The following TNRC18 variants were observed in gnomAD, a reference collection of about 807,000 sequenced individuals.
TNRC18 encodes the protein trinucleotide repeat containing 18.
TNRC18 carries 69 observed loss-of-function variants against 226.7 expected under a neutral mutation model. The ratio of observed to expected loss-of-function variants is 0.30; its 90% CI spans 0.25 to 0.37. TNRC18 has a LOEUF of 0.37. Ranked by LOEUF, TNRC18 falls within the 10% of genes least tolerant of loss-of-function variation. The pLI is 1.00. For synonymous variants in TNRC18, 2,449 were observed against 1,927.6 expected, an observed-to-expected ratio of 1.27 and a Z score of -7.09; for missense variants, 4,754 against 4,256.6, an observed-to-expected ratio of 1.12 and a Z score of -3.25.
rs1205191119 is a variant in TNRC18, at chr7:5,333,032, T to A, written c.5737A>T (p.Thr1913Ser). ...QSLLGTEFEYTDSESEVKVRK... is the reference protein window; with the variant it reads ...QSLLGTEFEYSDSESEVKVRK... ...ACCTTGACCTCGCTCTCTGAGTCGG[T>A]GTACTCGAACTCTGTGCCTGAACGC... Residue 1913 changes from threonine (T) to serine (S), a missense_variant, in exon 19 of 30, where the codon ACC (threonine) becomes TCC (serine). Coordinates refer to ENST00000430969, the MANE Select transcript of TNRC18 (RefSeq NM_001080495.3). 2 of 1,577,162 alleles carry A rather than the reference T, an allele frequency of 1.3e-6. No homozygotes were observed. The highest frequency in any genetic ancestry group is 1.7e-6 in the Non-Finnish European group (2 of 1,169,740).
intron 2 of TNRC18, among the ~76,000 whole-genome samples, chr7:5,401,567 C>T (rs930879065): frequency 1.5e-4 from 23 of 152,290 alleles, no homozygotes; most frequent in African/African-American, 5.5e-4. Context: ...TTGTCTCTGC[C>T]CACTGAAGAC....
chr7:5,373,323 C>A (rs1794333279), intron 10 of TNRC18, among the ~76,000 whole-genome samples: 1 of 152,028 alleles, frequency 6.6e-6, no homozygotes, highest in Non-Finnish European at 1.5e-5. Context: ...AGGATCCCAT[C>A]TCAAAAAAAA....
rs769890042 is a variant in TNRC18, at chr7:5,388,322, G to C, written c.1502C>G (p.Pro501Arg). ...AKLFGLEPGR[P>R]PPTGPEHKWK... ...TTTATGCTCAGGGCCGGTGGGCGGG[G>C]GGCGCCCGGGCTCCAGGCCGAAGAG... The change falls in exon 5 of 30, where the codon CCC (proline) becomes CGC (arginine). Residue 501 changes from proline (P) to arginine (R), a missense_variant. Transcript: ENST00000430969. The C allele has an allele frequency of 1.2e-5, 19 of 1,601,006 alleles. No individual in the cohort carries two copies. Among genetic ancestry groups the C allele is most frequent in the African/African-American group, 2.7e-5 (2 of 74,074 alleles).
chr7:5,388,954 G>C lies in TNRC18; in HGVS notation c.870C>G (p.Asp290Glu). Residue 290 changes from aspartate (D) to glutamate (E), a missense_variant, in exon 5 of 30, where the codon GAC (aspartate) becomes GAG (glutamate). Coordinates refer to ENST00000430969, the MANE Select transcript of TNRC18 (RefSeq NM_001080495.3). ...VLTMCNGGAGDVGLPALVAEA... is the reference protein window; with the variant it reads ...VLTMCNGGAGEVGLPALVAEA... The stretch of plus-strand genomic sequence containing the variant: ...CGGCCACCAGCGCGGGCAGCCCCAC[G>C]TCCCCGGCGCCGCCGTTGCACATGG... 1 of 1,386,444 alleles carries C rather than the reference G, an allele frequency of 7.2e-7. No homozygotes were observed. The highest frequency in any genetic ancestry group is 1.4e-5 in the South Asian group (1 of 72,416). The allele number at this position is 1,386,444 out of a possible 1,614,324, so 85.9% of individuals were successfully genotyped here. A position where few individuals can be genotyped will look rare whatever the true frequency, so the allele number is the denominator to read the frequency against.
intron 2 of TNRC18, among the ~76,000 whole-genome samples, chr7:5,404,384 A>G (rs1002333315): frequency 6.6e-6 from 1 of 152,180 alleles, no homozygotes; most frequent in Admixed American, 6.6e-5. Flanking sequence ...AAAAAAAAAG[A>G]ATCCCAGGCA....
intron 18 of TNRC18, among the ~76,000 whole-genome samples, chr7:5,336,807 A>T (rs1012861153): frequency 4.6e-5 from 7 of 152,198 alleles, no homozygotes; most frequent in Non-Finnish European, 1.0e-4. Context: ...CATGGAGGGG[A>T]TCTAAGAGCT....
chr7:5,313,933 G>A (rs1787575635), intron 26 of TNRC18, 70 bp from the exon 27 acceptor site: 2 of 1,374,396 alleles, frequency 1.5e-6, no homozygotes, highest in East Asian at 2.5e-5. Flanking sequence ...GCTTTTATCA[G>A]AAAGGCCTGC....
chr7:5,407,675 G>A (rs146791165), intron 2 of TNRC18, among the ~76,000 whole-genome samples: 5 of 152,318 alleles, frequency 3.3e-5, no homozygotes, highest in South Asian at 2.1e-4. Context: ...TCCCAAAGGC[G>A]GCCAAGGAGA....
Position 5,312,316 on chromosome 7 carries a change from C to T in TNRC18, c.8388+187G>A, listed in dbSNP as rs1583721354. On this transcript the variant is annotated intron_variant, in intron 27 of 29. Transcript: ENST00000430969. This position sits in a 1 kb window ranked among gnomAD's most constrained non-coding sequence, Gnocchi z 6.3. The stretch of plus-strand genomic sequence containing the variant: ...TCTGAAGGACTCGGGCATCGGAGTC[C>T]GACAGACCCAGGTGCCTGAGGACAC... 6.6e-6 allele frequency among the ~76,000 whole-genome samples: 1 copy of T among 152,280 alleles called. No homozygotes were observed. The highest frequency in any genetic ancestry group is 1.9e-4 in the East Asian group (1 of 5,178).
intron 5 of TNRC18, among the ~76,000 whole-genome samples, chr7:5,386,947 G>A (rs1383274464): frequency 6.6e-6 from 1 of 151,990 alleles, no homozygotes; most frequent in Non-Finnish European, 1.5e-5. Context: ...GGTGGCACAT[G>A]TCTGTAATCC....
chr7:5,351,993 C>A lies in TNRC18; in HGVS notation c.5296G>T (p.Ala1766Ser). 6.2e-7 allele frequency: 1 copy of A among 1,613,990 alleles called. No individual in the cohort carries two copies. Among genetic ancestry groups the A allele is most frequent in the Non-Finnish European group, 8.5e-7 (1 of 1,179,896 alleles). Residue 1766 changes from alanine (A) to serine (S), a missense_variant, in exon 17 of 30, where the codon GCA becomes TCA. Transcript: ENST00000430969. ...LTPSLLCSMV[A>S]KNSKAAGGPK... is the part of the protein sequence containing the mutation. ...CCACCAGCTGCCTTGCTGTTCTTTG[C>A]CACCATGCTACACAGGAGGGAAGGC... is the stretch of plus-strand genomic sequence containing the variant.
intron 24 of TNRC18, among the ~76,000 whole-genome samples, chr7:5,317,717 T>A (rs1306231717): frequency 1.3e-5 from 2 of 151,832 alleles, no homozygotes; most frequent in Non-Finnish European, 2.9e-5. Flanking sequence ...TAAGGTTTTT[T>A]TTTTTTTTGA....
intron 11 of TNRC18, among the ~76,000 whole-genome samples, chr7:5,369,605 C>G (rs959762096): frequency 6.6e-6 from 1 of 151,602 alleles, no homozygotes; most frequent in Admixed American, 6.6e-5. Context: ...GACGGGGACA[C>G]AGAGAGAGAG....
chr7:5,391,794 T>A (rs1342821402), intron 3 of TNRC18, among the ~76,000 whole-genome samples: 1 of 147,226 alleles, frequency 6.8e-6, no homozygotes. Flanking sequence ...CCCAGGAGTT[T>A]GAGACCAGCC....
At chr7:5,352,167 A>ATAAAAACCAATTTAT in intron 16 of TNRC18, 73 bp from the exon 17 acceptor site, 2 of 1,456,632 alleles carry the variant, frequency 1.4e-6, no homozygotes, top group Non-Finnish European at 1.8e-6. Flanking sequence ...ATTGGTTTTA[A>ATAAAAACCAATTTAT]TGGTTCTGAG....
intron 11 of TNRC18, among the ~76,000 whole-genome samples, chr7:5,368,932 C>T (rs79558935): frequency 0.017 from 2,608 of 152,236 alleles, 76 homozygotes; most frequent in African/African-American, 0.06. Flanking sequence ...TGAAGGCATC[C>T]CATTCTCTTT....
At chr7:5,331,297 T>C (rs1316273489) in intron 19 of TNRC18, among the ~76,000 whole-genome samples, 2 of 152,136 alleles carry the variant, frequency 1.3e-5, no homozygotes, top group Admixed American at 6.6e-5. Flanking sequence ...AGGAAGCAAC[T>C]GGCCCTCAGC....
intron 24 of TNRC18, among the ~76,000 whole-genome samples, chr7:5,319,538 T>A (rs1315531515): frequency 9.9e-5 from 15 of 152,176 alleles, no homozygotes; most frequent in Admixed American, 9.8e-4. Flanking sequence ...AGACGTAGTC[T>A]CACTCTGTCA....
chr7:5,309,466 T>C lies in TNRC18; in HGVS notation c.8389-98A>G, dbSNP rs1786962039. 8 of 1,081,328 alleles carry C rather than the reference T, an allele frequency of 7.4e-6. No homozygotes were observed. The highest frequency in any genetic ancestry group is 1.6e-5 in the South Asian group (1 of 63,718). The allele number at this position is 1,081,328 out of a possible 1,614,324, so 67.0% of individuals were successfully genotyped here. A position where few individuals can be genotyped will look rare whatever the true frequency, so the allele number is the denominator to read the frequency against. On this transcript the variant is annotated intron_variant, in intron 27 of 29. Transcript: ENST00000430969. This position sits in a 1 kb window ranked among gnomAD's most constrained non-coding sequence, Gnocchi z 5.7. ...CGCTTGGGACTCTGGGCCCTCGGCC[T>C]CTAAATCAACCCCTATCCAACTGTG... is the stretch of plus-strand genomic sequence containing the variant.
Sources: gnomAD v4.1 joint callset for allele counts (sites outside exome capture counted in the v4.1 genomes callset) on GRCh38, gnomAD v4.1.1 for gene constraint, Gnocchi (gnomAD v3.1) non-coding constraint, MANE v1.5 for transcripts, NCBI Gene and HGNC (gene_info 2026-07-23, HGNC 2026-07-21) for gene names.